The following SYNE1 variants were observed in gnomAD, a reference collection of about 807,000 sequenced individuals.
The protein encoded by SYNE1 is spectrin repeat containing nuclear envelope protein 1.
In SYNE1, 616 loss-of-function variants were observed where a neutral mutation model predicts 1,111.0. The ratio of observed to expected loss-of-function variants is 0.55; its 90% CI spans 0.52 to 0.59. The LOEUF (loss-of-function observed/expected upper bound fraction) is 0.59, where lower values mean the gene tolerates loss of function less well. Ranked by LOEUF, SYNE1 falls within the 20% of genes least tolerant of loss-of-function variation. The pLI, the probability that SYNE1 is intolerant of heterozygous loss-of-function variation, is 0.00. For missense variants in SYNE1, 10,006 were observed against 10,417.0 expected (o/e 0.96, Z 1.72); for synonymous variants, 3,855 against 3,825.8 (o/e 1.01, Z -0.28).
At chr6:152,428,626 ATAG>A (rs753064550) in intron 36 of SYNE1, among the ~76,000 whole-genome samples, 22 of 152,224 alleles carry the variant, frequency 1.4e-4, no homozygotes, top group Non-Finnish European at 2.4e-4. Context: ...TAGCTAGAAA[ATAG>A]TTTGAATGTT....
At chr6:152,432,833 C>T (rs961713237) in intron 34 of SYNE1, among the ~76,000 whole-genome samples, 1 of 151,996 alleles carries the variant, frequency 6.6e-6, no homozygotes, top group African/African-American at 2.4e-5. Context: ...TCCATGGCCT[C>T]ACATCTATTT....
intron 3 of SYNE1, among the ~76,000 whole-genome samples, chr6:152,594,090 G>C (rs765658854): frequency 2.0e-5 from 3 of 152,144 alleles, no homozygotes; most frequent in Non-Finnish European, 4.4e-5. Flanking sequence ...GGCTTCAGTA[G>C]CTGGAGGGAG....
At chr6:152,162,000 G>A (rs987115830) in intron 131 of SYNE1, among the ~76,000 whole-genome samples, 4 of 152,054 alleles carry the variant, frequency 2.6e-5, no homozygotes, top group Admixed American at 6.6e-5. Context: ...TAGCCTCCAC[G>A]GTGTCCTGAT....
At chr6:152,145,838 G>A (rs1586128882) in intron 137 of SYNE1, 6 of 383,024 alleles carry the variant, frequency 1.6e-5, no homozygotes, top group African/African-American at 4.2e-5. Flanking sequence ...CAGCCTGGCC[G>A]ACATGGTGGA....
In SYNE1 at chr6:152,377,696, A is replaced by G. The variant is rs1224363194; in HGVS notation, c.9010-784T>C. Among the ~76,000 whole-genome samples the G allele has an allele frequency of 6.0e-5, 8 of 132,786 alleles. No homozygotes were observed. In the East Asian group the frequency reaches 1.8e-3, roughly 30 times the overall value. The allele number at this position is 132,786 out of a possible 152,430, so 87.1% of individuals were successfully genotyped here. On this transcript the variant is annotated intron_variant, in intron 56 of 145. Coordinates refer to ENST00000367255, the MANE Select transcript of SYNE1 (RefSeq NM_182961.4). ...ATCTCCAAAATTGAATCCTGTTTCA[A>G]TTGATTTTATGTTGTATATACAGTT...
rs532006850 is a variant in SYNE1 at position 152,300,527 on chromosome 6, T to C, written c.17682+114A>G. ...ACTATAACACCTAATAGTGTGTCCC[T>C]GGAACCAAATGCAACAAAGTCTGAG... is the stretch of plus-strand genomic sequence containing the variant. On this transcript the variant is annotated intron_variant, in intron 93 of 145. Coordinates refer to ENST00000367255, the MANE Select transcript of SYNE1 (RefSeq NM_182961.4). 8.9e-5 allele frequency: 133 copies of C among 1,486,160 alleles called. No individual in the cohort carries two copies. In the South Asian group the frequency reaches 1.5e-3, roughly 17 times the overall value. 92.1% of individuals were successfully genotyped at this position (1,486,160 alleles called of 1,614,324 possible).
chr6:152,262,193 T>A lies in SYNE1; in HGVS notation c.18816-5A>T. ...GATAACACATCAGGTTTTTCGCTAT[T>A]AGAAGAATAAATAATCTAAGTTTAC... On this transcript the variant is annotated splice_region_variant and splice_polypyrimidine_tract_variant and intron_variant, in intron 100 of 145. Coordinates refer to ENST00000367255, the MANE Select transcript of SYNE1 (RefSeq NM_182961.4). The A allele has an allele frequency of 6.2e-7, 1 of 1,613,352 alleles. No homozygotes were observed. Among genetic ancestry groups the A allele is most frequent in the Non-Finnish European group, 8.5e-7 (1 of 1,179,652 alleles).
intron 3 of SYNE1, among the ~76,000 whole-genome samples, chr6:152,592,626 T>C (rs1019744143): frequency 5.3e-5 from 8 of 152,250 alleles, no homozygotes; most frequent in Middle Eastern, 3.4e-3. Flanking sequence ...ACTGCCAGGG[T>C]GATGGGATCT....
At chr6:152,282,832 G>A (rs1350050466) in intron 96 of SYNE1, among the ~76,000 whole-genome samples, 7 of 151,912 alleles carry the variant, frequency 4.6e-5, no homozygotes, top group Non-Finnish European at 1.0e-4. Flanking sequence ...CGTTACTTTT[G>A]CACAAATCTA....
At chr6:152,484,731 A>G in intron 13 of SYNE1, 104 bp downstream of exon 13, 1 of 1,226,866 alleles carries the variant, frequency 8.2e-7, no homozygotes, top group Non-Finnish European at 1.2e-6. Context: ...CCTCAGACAG[A>G]GGCAGTAGAA....
chr6:152,507,564 T>A (rs1272835124), intron 8 of SYNE1, among the ~76,000 whole-genome samples: 1 of 152,162 alleles, frequency 6.6e-6, no homozygotes, highest in Non-Finnish European at 1.5e-5. Context: ...AACCTCTTAT[T>A]TGAGAATTTT....
Position 152,152,060 on chromosome 6 carries a change from G to T in SYNE1, c.24211C>A (p.Arg8071Ser). The T allele has an allele frequency of 6.2e-7, 1 of 1,614,168 alleles. No homozygotes were observed. Among genetic ancestry groups the T allele is most frequent in the South Asian group, 1.1e-5 (1 of 91,080 alleles). The change falls in exon 134 of 146, where the codon CGC becomes AGC. Residue 8071 changes from arginine to serine, a missense_variant. By Grantham distance (110) the Arg-to-Ser change is moderately radical. Transcript: ENST00000367255. ...TTGAGGCTACATGCTGAATCAGTGC[G>T]GTTCTCCCTGGCCAGGCGGCGGTAC... ...KQYRRLAREN[R>S]TDSACSLKQM... is the part of the protein sequence containing the mutation.
Position 152,292,101 on chromosome 6 carries a change from G to C in SYNE1, c.18012+1487C>G, listed in dbSNP as rs144893226. 4.9e-3 allele frequency among the ~76,000 whole-genome samples: 748 copies of C among 152,274 alleles called. 3 individuals carry two copies. The highest frequency in any genetic ancestry group is 0.017 in the African/African-American group (715 of 41,554). On this transcript the variant is annotated intron_variant, in intron 95 of 145. Transcript: ENST00000367255. Reference sequence around the variant, plus strand: ...CTGGAGCAACAGGGACACCCCTTCAGATCAGAAAGAGGTGGCCGCTGGCAA... The same window carrying C: ...CTGGAGCAACAGGGACACCCCTTCACATCAGAAAGAGGTGGCCGCTGGCAA...
intron 3 of SYNE1, among the ~76,000 whole-genome samples, chr6:152,592,739 C>G (rs2099570639): frequency 6.6e-6 from 1 of 152,222 alleles, no homozygotes; most frequent in African/African-American, 2.4e-5. Context: ...AAGTCCTTCA[C>G]TTGATAATAT....
At chr6:152,557,492 A>G (rs2099371559) in intron 3 of SYNE1, among the ~76,000 whole-genome samples, 1 of 152,186 alleles carries the variant, frequency 6.6e-6, no homozygotes, top group Non-Finnish European at 1.5e-5. Flanking sequence ...GATTAAACAT[A>G]AAGAGATCTT....
At chr6:152,233,071 A>G (rs1163207705) in intron 112 of SYNE1, among the ~76,000 whole-genome samples, 2 of 152,250 alleles carry the variant, frequency 1.3e-5, no homozygotes, top group Non-Finnish European at 2.9e-5. Flanking sequence ...GTATTTTCAG[A>G]TAAGAGGATT....
intron 122 of SYNE1, among the ~76,000 whole-genome samples, chr6:152,214,475 G>A (rs999804928): frequency 6.6e-6 from 1 of 152,206 alleles, no homozygotes; most frequent in Non-Finnish European, 1.5e-5. Context: ...GTGCTATGGT[G>A]TGAATGTATC....
In SYNE1 at chr6:152,284,056, C is replaced by A; in HGVS notation, c.18129G>T (p.Leu6043Phe). Residue 6043 changes from leucine to phenylalanine, a missense_variant, in exon 96 of 146, where the codon TTG (leucine) becomes TTT (phenylalanine). Physicochemically the swap from Leu to Phe is conservative, Grantham distance 22. Around this residue, in one of 7 missense-constraint regions of SYNE1, gnomAD observed 4,955 missense variants for 5,017.2 expected, o/e 0.99. Coordinates refer to ENST00000367255, the MANE Select transcript of SYNE1 (RefSeq NM_182961.4). ...CGGCTAAGACAGTGAGCGTGGACTGCAAGGCCAGCTGCTCCGCAGGGTCGG... is the reference window on the plus strand; with the variant it reads ...CGGCTAAGACAGTGAGCGTGGACTGAAAGGCCAGCTGCTCCGCAGGGTCGG... ...CEADPAEQLA[L>F]QSTLTVLAER... 6.2e-7 allele frequency: 1 copy of A among 1,614,216 alleles called. No individual in the cohort carries two copies. The highest frequency in any genetic ancestry group is 8.5e-7 in the Non-Finnish European group (1 of 1,180,036).
At chr6:152,547,441 C>T (rs2099319531) in intron 3 of SYNE1, among the ~76,000 whole-genome samples, 1 of 152,190 alleles carries the variant, frequency 6.6e-6, no homozygotes, top group African/African-American at 2.4e-5. Flanking sequence ...CCTGCAGTAA[C>T]TTGAACTCAT....
Sources: allele counts gnomAD v4.1 joint callset (sites outside exome capture counted in the v4.1 genomes callset), GRCh38; gene constraint gnomAD v4.1.1; regional missense constraint gnomAD v4.1.1; transcripts MANE v1.5; gene names NCBI Gene and HGNC (gene_info 2026-07-23, HGNC 2026-07-21).